The following SPON1 variants were observed in gnomAD, a reference collection of about 807,000 sequenced individuals.
SPON1 encodes the protein spondin 1.
Under a neutral mutation model 111.7 loss-of-function variants are expected in SPON1, and 52 were observed. The observed-to-expected ratio is 0.47, with a 90% CI of 0.37 to 0.59. The LOEUF is 0.59. Ranked by LOEUF, SPON1 falls within the 20% of genes least tolerant of loss-of-function variation. The probability of loss-of-function intolerance (pLI) is 0.00; values close to 1 mark genes in which losing one functional copy is unlikely to be tolerated. For missense variants in SPON1, 957 were observed against 1,068.5 expected (o/e 0.90, Z 1.46); for synonymous variants, 410 against 395.8 (o/e 1.04, Z -0.43).
At chr11:14,193,440 A>G (rs1848368526) in intron 6 of SPON1, among the ~76,000 whole-genome samples, 1 of 152,216 alleles carries the variant, frequency 6.6e-6, no homozygotes. Flanking sequence ...TGGTAAACGT[A>G]TGCACACATA....
chr11:14,032,984 A>C (rs1848570055), intron 2 of SPON1, among the ~76,000 whole-genome samples: 1 of 152,148 alleles, frequency 6.6e-6, no homozygotes, highest in Admixed American at 6.5e-5. Context: ...CCCTGATAGG[A>C]AACTTTGGTC....
intron 6 of SPON1, among the ~76,000 whole-genome samples, chr11:14,160,586 CATATATATATTT>C (rs1218443873): frequency 2.3e-4 from 2 of 8,668 alleles, no homozygotes; most frequent in African/African-American, 4.7e-4. Context: ...TATATATTTA[CATATATATATTT>C]ATATATATTT....
chr11:14,263,714 A>G (rs1849218323), intron 15 of SPON1, among the ~76,000 whole-genome samples: 1 of 152,196 alleles, frequency 6.6e-6, no homozygotes, highest in African/African-American at 2.4e-5. Flanking sequence ...TGAAAAATCT[A>G]GAGGAGTTTG....
intron 5 of SPON1, among the ~76,000 whole-genome samples, chr11:14,126,534 C>T (rs1294247021): frequency 6.6e-6 from 1 of 152,198 alleles, no homozygotes; most frequent in East Asian, 1.9e-4. Context: ...TTATTTCTTC[C>T]TCCCAGCTTC....
intron 14 of SPON1, among the ~76,000 whole-genome samples, chr11:14,260,994 C>CA (rs1174607963): frequency 6.6e-6 from 1 of 152,172 alleles, no homozygotes; most frequent in Non-Finnish European, 1.5e-5. Context: ...GTCTAAATGA[C>CA]AGACACATAC....
chr11:14,135,670 G>A lies in SPON1; in HGVS notation c.825+102G>A, dbSNP rs1847583455. On this transcript the variant is annotated intron_variant, in intron 6 of 15. Transcript: ENST00000576479. This position sits in a 1 kb window ranked among gnomAD's most constrained non-coding sequence, Gnocchi z 4.4. ...CTTGAAATTTGCAGTACAATGTGGT[G>A]GAAGAAAATCTATTTGCTGAGTTTG... The A allele has an allele frequency of 1.6e-5, 19 of 1,196,144 alleles. No homozygotes were observed. Among genetic ancestry groups the A allele is most frequent in the African/African-American group, 3.0e-5 (2 of 65,676 alleles). The allele number at this position is 1,196,144 out of a possible 1,614,324, so 74.1% of individuals were successfully genotyped here. A position where few individuals can be genotyped will look rare whatever the true frequency, so the allele number is the denominator to read the frequency against.
rs1418533536 is a variant in SPON1 at position 14,090,823 on chromosome 11, GGCCCCCCCCCCCCC to G, written c.676+10803_676+10816del. ...GCAGCCTGCTTTTATTCTCTTATCT[GGCCCCCCCCCCCCC>G]CCCCCCCGCCCACATCCTGCTGATT... On this transcript the variant is annotated intron_variant, in intron 5 of 15. Coordinates refer to ENST00000576479, the MANE Select transcript of SPON1 (RefSeq NM_006108.4). Among the ~76,000 whole-genome samples, 6 of 27,054 alleles carry G rather than the reference GGCCCCCCCCCCCCC, an allele frequency of 2.2e-4. 2 individuals carry two copies. Among genetic ancestry groups the G allele is most frequent in the African/African-American group, 8.0e-4 (3 of 3,752 alleles). The allele number at this position is 27,054 out of a possible 152,430, so 17.7% of individuals were successfully genotyped here. A position where few individuals can be genotyped will look rare whatever the true frequency, so the allele number is the denominator to read the frequency against.
intron 6 of SPON1, among the ~76,000 whole-genome samples, chr11:14,182,931 A>G (rs1848250162): frequency 6.6e-6 from 1 of 152,212 alleles, no homozygotes; most frequent in African/African-American, 2.4e-5. Flanking sequence ...AGAGACCAGC[A>G]ATTAGTTGCC....
chr11:14,159,167 C>A (rs558032047), intron 6 of SPON1, among the ~76,000 whole-genome samples: 2 of 152,124 alleles, frequency 1.3e-5, no homozygotes, highest in East Asian at 3.9e-4. Context: ...TTGATTATTA[C>A]CTCTAAGATG....
intron 6 of SPON1, among the ~76,000 whole-genome samples, chr11:14,216,346 T>G (rs1178805019): frequency 6.6e-6 from 1 of 152,162 alleles, no homozygotes; most frequent in East Asian, 1.9e-4. Flanking sequence ...CTTTAAGTAT[T>G]GGGCTATTCA....
At chr11:14,115,060 G>A (rs1554925854) in intron 5 of SPON1, among the ~76,000 whole-genome samples, 1 of 152,088 alleles carries the variant, frequency 6.6e-6, no homozygotes. Flanking sequence ...AATGTTCTGG[G>A]GTAACATGTG....
chr11:14,261,635 G>GGGTGGAGGTAACTTGGACCACC (rs1554941915), intron 14 of SPON1, among the ~76,000 whole-genome samples: 1 of 152,192 alleles, frequency 6.6e-6, no homozygotes, highest in African/African-American at 2.4e-5. Flanking sequence ...ACTCAGCCAT[G>GGGTGGAGGTAACTTGGACCACC]GGTGGAGGTA....
At chr11:14,042,726 C>T (rs1848641296) in intron 3 of SPON1, among the ~76,000 whole-genome samples, 1 of 152,278 alleles carries the variant, frequency 6.6e-6, no homozygotes, top group African/African-American at 2.4e-5. Context: ...GACTTAACAA[C>T]TGTGGTTAAC....
In SPON1 at chr11:14,011,778, AGAG is replaced by A. The variant is rs377518191; in HGVS notation, c.345+28832_345+28834del. 9.2e-5 allele frequency among the ~76,000 whole-genome samples: 14 copies of A among 152,292 alleles called. No individual in the cohort carries two copies. The South Asian group carries it at 1.2e-3, about 14-fold the overall frequency. On this transcript the variant is annotated intron_variant, in intron 2 of 15. Coordinates refer to ENST00000576479, the MANE Select transcript of SPON1 (RefSeq NM_006108.4). Reference sequence around the variant, plus strand: ...AAGTTAGAGAGTGGATGAGGATGGAAGAGGAGGAGTGTTGCTTGGAGAGGCCTG... The same window carrying A: ...AAGTTAGAGAGTGGATGAGGATGGAAGAGGAGTGTTGCTTGGAGAGGCCTG...
rs1159719282 is a variant in SPON1, at chr11:13,990,373, C to CTTT, written c.345+7452_345+7454dup. ...TCAGAGATTAGGATTGCAACTCCTG[C>CTTT]TTTTTTTTTTTTTTTTTTTTTTTTT... On this transcript the variant is annotated intron_variant, in intron 2 of 15. Coordinates refer to ENST00000576479, the MANE Select transcript of SPON1 (RefSeq NM_006108.4). Among the ~76,000 whole-genome samples the CTTT allele has an allele frequency of 1.0e-3, 22 of 21,706 alleles. 1 individual carries two copies. The highest frequency in any genetic ancestry group is 1.3e-3 in the East Asian group (1 of 764). The allele number at this position is 21,706 out of a possible 152,430, so 14.2% of individuals were successfully genotyped here. A position where few individuals can be genotyped will look rare whatever the true frequency, so the allele number is the denominator to read the frequency against.
At chr11:14,132,458 C>G (rs1847539494) in intron 5 of SPON1, among the ~76,000 whole-genome samples, 1 of 152,130 alleles carries the variant, frequency 6.6e-6, no homozygotes, top group Non-Finnish European at 1.5e-5. Flanking sequence ...ACTTTGATTC[C>G]TTGGATCTGG....
chr11:14,091,475 G>A (rs1049564419), intron 5 of SPON1, among the ~76,000 whole-genome samples: 9 of 152,318 alleles, frequency 5.9e-5, no homozygotes, highest in East Asian at 1.9e-4. Context: ...CCTGCCCCGC[G>A]GGAAGGCAGC....
chr11:14,051,337 C>A (rs1416277709), intron 3 of SPON1, among the ~76,000 whole-genome samples: 2 of 152,088 alleles, frequency 1.3e-5, no homozygotes, highest in Non-Finnish European at 2.9e-5. Context: ...GACTTTGAGA[C>A]CAGCCTGGGA....
chr11:14,060,545 G>A (rs1848783702), intron 3 of SPON1, among the ~76,000 whole-genome samples: 1 of 152,142 alleles, frequency 6.6e-6, no homozygotes, highest in Admixed American at 6.5e-5. Flanking sequence ...AGAATTAAAC[G>A]AGATAACCAG....
Sources: allele counts gnomAD v4.1 joint callset (sites outside exome capture counted in the v4.1 genomes callset), GRCh38; gene constraint gnomAD v4.1.1; non-coding constraint Gnocchi (gnomAD v3.1); transcripts MANE v1.5; gene names NCBI Gene and HGNC (gene_info 2026-07-23, HGNC 2026-07-21).